Variants in OLA1 observed in about 807,000 individuals in gnomAD.
OLA1 encodes Obg like ATPase 1.
Under a neutral mutation model 48.4 loss-of-function variants are expected in OLA1, and 14 were observed. The ratio of observed to expected loss-of-function variants is 0.29; its 90% CI spans 0.19 to 0.45. OLA1 has a LOEUF of 0.45. Ranked by LOEUF, OLA1 falls within the 20% of genes least tolerant of loss-of-function variation. The probability of loss-of-function intolerance (pLI) is 1.00; values close to 1 mark genes in which losing one functional copy is unlikely to be tolerated. For synonymous variants in OLA1, 127 were observed against 150.4 expected (o/e 0.84, Z 1.14); for missense variants, 325 against 467.1 (o/e 0.70, Z 2.80).
At chr2:174,148,862 A>G (rs1686677338) in intron 4 of OLA1, among the ~76,000 whole-genome samples, 2 of 152,114 alleles carry the variant, frequency 1.3e-5, no homozygotes, top group African/African-American at 4.8e-5. Flanking sequence ...TTTGCACCAT[A>G]GATTGTTGCT....
intron 2 of OLA1, among the ~76,000 whole-genome samples, chr2:174,245,606 C>T (rs1347610909): frequency 6.6e-6 from 1 of 152,130 alleles, no homozygotes; most frequent in East Asian, 1.9e-4. Context: ...GAAAAAGGAA[C>T]ACTTGGACCC....
chr2:174,222,561 C>A (rs1350646070), intron 4 of OLA1, among the ~76,000 whole-genome samples: 1 of 152,164 alleles, frequency 6.6e-6, no homozygotes, highest in Non-Finnish European at 1.5e-5. Flanking sequence ...TTATATTCCT[C>A]TCTCCATAAG....
At chr2:174,181,256 C>G (rs1237165662) in intron 4 of OLA1, among the ~76,000 whole-genome samples, 2 of 152,148 alleles carry the variant, frequency 1.3e-5, no homozygotes, top group Non-Finnish European at 2.9e-5. Context: ...AGCAAAACTT[C>G]ACTGGAGTAG....
chr2:174,140,912 T>A (rs1308100813), intron 5 of OLA1, among the ~76,000 whole-genome samples: 1 of 152,052 alleles, frequency 6.6e-6, no homozygotes, highest in Non-Finnish European at 1.5e-5. Flanking sequence ...AGTTTCATTT[T>A]ATTTTATTTT....
chr2:174,243,972 C>T (rs955592750), intron 2 of OLA1, among the ~76,000 whole-genome samples: 2 of 152,058 alleles, frequency 1.3e-5, no homozygotes, highest in African/African-American at 4.8e-5. Context: ...CACACAAGTC[C>T]GGTCGGATTT....
At chr2:174,166,699 C>T (rs1341187395) in intron 4 of OLA1, among the ~76,000 whole-genome samples, 1 of 152,132 alleles carries the variant, frequency 6.6e-6, no homozygotes, top group Non-Finnish European at 1.5e-5. Context: ...TCTGTAATAA[C>T]ACAGATGTCT....
Position 174,141,924 on chromosome 2 carries a change from T to C in OLA1, c.450A>G (p.Glu150=). Residue 150 remains glutamate (E), a synonymous_variant, in exon 5 of 11, where the codon GAA becomes GAG. Transcript: ENST00000284719. The stretch of plus-strand genomic sequence containing the variant: ...TTTCCTCATCTTTAAGCTGAAGCTC[T>C]TCATGTATTATTTCTATATCTCGAA... ...DPIRDIEIIH[E]ELQLKDEEMI... The C allele has an allele frequency of 6.2e-7, 1 of 1,613,214 alleles. No homozygotes were observed. The highest frequency in any genetic ancestry group is 8.5e-7 in the Non-Finnish European group (1 of 1,179,636).
At chr2:174,086,268 C>A (rs1684974821) in intron 7 of OLA1, among the ~76,000 whole-genome samples, 2 of 152,130 alleles carry the variant, frequency 1.3e-5, no homozygotes. Flanking sequence ...TTTCTAGTAT[C>A]TGGTCATGGA....
At chr2:174,123,402 T>G (rs553197468) in intron 6 of OLA1, 125 bp from the exon 7 acceptor site, 13 of 608,416 alleles carry the variant, frequency 2.1e-5, no homozygotes, top group African/African-American at 3.8e-5. Flanking sequence ...TAATTCTTCT[T>G]TCCAAAAGAT....
chr2:174,082,088 A>G (rs762177309), intron 7 of OLA1, 24 bp from the exon 8 acceptor site: 1 of 1,612,054 alleles, frequency 6.2e-7, no homozygotes, highest in Non-Finnish European at 8.5e-7. Flanking sequence ...AGGGCACAAC[A>G]TTATCTTGTA....
chr2:174,099,071 A>C (rs1685322484), intron 7 of OLA1, among the ~76,000 whole-genome samples: 1 of 152,224 alleles, frequency 6.6e-6, no homozygotes, highest in Non-Finnish European at 1.5e-5. Context: ...GGGCAAAAAA[A>C]CTATGTAGAG....
intron 4 of OLA1, among the ~76,000 whole-genome samples, chr2:174,222,666 C>T (rs1226356580): frequency 6.6e-6 from 1 of 152,164 alleles, no homozygotes; most frequent in East Asian, 1.9e-4. Flanking sequence ...ATCCCCTTCT[C>T]TAACAATTCT....
intron 4 of OLA1, among the ~76,000 whole-genome samples, chr2:174,153,410 G>A (rs1374984349): frequency 6.6e-6 from 1 of 152,134 alleles, no homozygotes; most frequent in African/African-American, 2.4e-5. Context: ...AAAGCACGTA[G>A]AAAGACATGA....
At chr2:174,120,031 AG>A (rs1188878586) in intron 7 of OLA1, among the ~76,000 whole-genome samples, 1 of 152,070 alleles carries the variant, frequency 6.6e-6, no homozygotes, top group African/African-American at 2.4e-5. Flanking sequence ...ATAAATATGT[AG>A]TATAATAAAT....
At chr2:174,164,118 A>G (rs1687099706) in intron 4 of OLA1, among the ~76,000 whole-genome samples, 1 of 151,932 alleles carries the variant, frequency 6.6e-6, no homozygotes, top group Non-Finnish European at 1.5e-5. Context: ...CGCCCTGTGA[A>G]GAGGTGCCTT....
At chr2:174,187,726 G>C (rs1687686808) in intron 4 of OLA1, among the ~76,000 whole-genome samples, 1 of 152,218 alleles carries the variant, frequency 6.6e-6, no homozygotes, top group African/African-American at 2.4e-5. Context: ...TCAACGAAGA[G>C]TAAATAGAAA....
At chr2:174,164,369 G>C (rs1343798827) in intron 4 of OLA1, among the ~76,000 whole-genome samples, 2 of 152,174 alleles carry the variant, frequency 1.3e-5, no homozygotes, top group Non-Finnish European at 2.9e-5. Context: ...GCATAGTGCA[G>C]AATGGATACC....
intron 7 of OLA1, among the ~76,000 whole-genome samples, chr2:174,099,047 C>T (rs953976912): frequency 6.6e-6 from 1 of 152,066 alleles, no homozygotes; most frequent in Admixed American, 6.5e-5. Context: ...GATCACCCTG[C>T]AGTTTCTAAG....
intron 4 of OLA1, among the ~76,000 whole-genome samples, chr2:174,147,346 G>A (rs972989406): frequency 6.6e-6 from 1 of 151,196 alleles, no homozygotes; most frequent in East Asian, 1.9e-4. Context: ...AGAATTGCTT[G>A]AACCCGGGAG....
Sources: gnomAD v4.1 joint callset for allele counts (sites outside exome capture counted in the v4.1 genomes callset) on GRCh38, gnomAD v4.1.1 for gene constraint, MANE v1.5 for transcripts, NCBI Gene and HGNC (gene_info 2026-07-23, HGNC 2026-07-21) for gene names.